The following ADAMTS18 variants were observed in gnomAD, a reference collection of about 807,000 sequenced individuals.
ADAMTS18 encodes ADAM metallopeptidase with thrombospondin type 1 motif 18.
Under a neutral mutation model 165.9 loss-of-function variants are expected in ADAMTS18, and 157 were observed. That is an observed-to-expected ratio of 0.95 (90% CI 0.83 to 1.08). ADAMTS18 has a LOEUF of 1.08. ADAMTS18 is among the 50% of genes least tolerant of loss of function. The probability of loss-of-function intolerance (pLI) is 0.00; values close to 1 mark genes in which losing one functional copy is unlikely to be tolerated. For missense variants in ADAMTS18, 2,040 were observed against 1,534.0 expected (o/e 1.33, Z -5.51); for synonymous variants, 782 against 578.2 (o/e 1.35, Z -5.06).
intron 11 of ADAMTS18, among the ~76,000 whole-genome samples, chr16:77,338,502 G>C (rs2056346848): frequency 6.6e-6 from 1 of 151,884 alleles, no homozygotes; most frequent in Non-Finnish European, 1.5e-5. Flanking sequence ...CCCCCAAAGT[G>C]CTGAGATTAC....
chr16:77,322,605 G>T, intron 13 of ADAMTS18, 139 bp from the exon 14 acceptor site: 1 of 1,068,454 alleles, frequency 9.4e-7, no homozygotes, highest in Non-Finnish European at 1.4e-6. Context: ...GCACATATAA[G>T]CCCATATGAT....
At position 77,353,738 on chromosome 16, in the gene ADAMTS18, C is replaced by T; in HGVS notation, c.1609G>A (p.Val537Met). ...GAAATCACAAGCAAACATACCTTCA[C>T]AAAACCAAGGCTGCATAACTTGGCT... ...AKAKLCSLGF[V>M]KDICKSLWCH... The change falls in exon 10 of 23, where the codon GTG (valine) becomes ATG (methionine). Residue 537 changes from valine to methionine, a missense_variant. Val to Met is a conservative substitution (Grantham distance 21). Coordinates refer to ENST00000282849, the MANE Select transcript of ADAMTS18 (RefSeq NM_199355.4). 6.2e-7 allele frequency: 1 copy of T among 1,614,182 alleles called. No homozygotes were observed. Among genetic ancestry groups the T allele is most frequent in the Non-Finnish European group, 8.5e-7 (1 of 1,180,030 alleles).
At chr16:77,288,264 T>C (rs1051283696) in intron 22 of ADAMTS18, among the ~76,000 whole-genome samples, 3 of 152,104 alleles carry the variant, frequency 2.0e-5, no homozygotes, top group Non-Finnish European at 4.4e-5. Context: ...AGGCTGAATC[T>C]TTCTTTGGTA....
chr16:77,367,319 C>G, intron 4 of ADAMTS18, 122 bp downstream of exon 4: 1 of 1,087,920 alleles, frequency 9.2e-7, no homozygotes, highest in Non-Finnish European at 1.4e-6. Context: ...ACTGGTCCTA[C>G]ACCAAGACAG....
chr16:77,421,069 G>C (rs560723897), intron 3 of ADAMTS18, among the ~76,000 whole-genome samples: 40 of 152,282 alleles, frequency 2.6e-4, no homozygotes, highest in African/African-American at 4.1e-4. Flanking sequence ...TAGTAAATTA[G>C]TGATGTGCAC....
At chr16:77,421,863 T>C (rs1388816518) in intron 3 of ADAMTS18, among the ~76,000 whole-genome samples, 1 of 152,146 alleles carries the variant, frequency 6.6e-6, no homozygotes, top group Non-Finnish European at 1.5e-5. Flanking sequence ...GAAATAAACA[T>C]TAATCAGAAG....
At chr16:77,396,013 G>T (rs2057252247) in intron 3 of ADAMTS18, among the ~76,000 whole-genome samples, 1 of 152,176 alleles carries the variant, frequency 6.6e-6, no homozygotes, top group African/African-American at 2.4e-5. Context: ...GCACCCTAGG[G>T]TAGGGACAAG....
At chr16:77,418,489 C>A (rs1312368290) in intron 3 of ADAMTS18, among the ~76,000 whole-genome samples, 1 of 152,076 alleles carries the variant, frequency 6.6e-6, no homozygotes, top group African/African-American at 2.4e-5. Flanking sequence ...TGCTAAACCT[C>A]CTACAATGCA....
chr16:77,364,340 C>G lies in ADAMTS18; in HGVS notation c.820G>C (p.Asp274His), dbSNP rs866934157. Residue 274 changes from aspartate (D) to histidine (H), a missense_variant, in exon 5 of 23, where the codon GAT (aspartate) becomes CAT (histidine). By Grantham distance (81) the Asp-to-His change is moderately conservative. Transcript: ENST00000282849. ...PPTEDTYLRF[D>H]EYGSSGRPRR... ...GGTCGCCCAGAGCTCCCATATTCAT[C>G]AAACCTTAGATAGGTGTCCTCTGTG... 6.2e-7 allele frequency: 1 copy of G among 1,613,854 alleles called. No homozygotes were observed. Among genetic ancestry groups the G allele is most frequent in the Non-Finnish European group, 8.5e-7 (1 of 1,179,996 alleles).
chr16:77,387,831 A>G (rs960391459), intron 3 of ADAMTS18, among the ~76,000 whole-genome samples: 1 of 152,130 alleles, frequency 6.6e-6, no homozygotes, highest in Non-Finnish European at 1.5e-5. Flanking sequence ...TTTTCTATCC[A>G]GGAGTTTATT....
intron 3 of ADAMTS18, among the ~76,000 whole-genome samples, chr16:77,392,547 G>A (rs1224356786): frequency 6.6e-6 from 1 of 151,970 alleles, no homozygotes; most frequent in African/African-American, 2.4e-5. Context: ...CCTGCCCCCT[G>A]CTTCACTTTC....
chr16:77,413,255 T>G (rs1028572665), intron 3 of ADAMTS18, among the ~76,000 whole-genome samples: 12 of 152,080 alleles, frequency 7.9e-5, no homozygotes, highest in Non-Finnish European at 8.8e-5. Flanking sequence ...CCTCCCCTAC[T>G]TTTTGGGCCT....
intron 10 of ADAMTS18, among the ~76,000 whole-genome samples, chr16:77,344,155 G>GTGTGTATATATA (rs369058375): frequency 1.4e-5 from 2 of 140,260 alleles, no homozygotes; most frequent in African/African-American, 5.3e-5. Flanking sequence ...ATGTGTGTGT[G>GTGTGTATATATA]TATATATATA....
Position 77,284,127 on chromosome 16 carries a change from T to G in ADAMTS18, c.3551-56A>C, listed in dbSNP as rs866232787. On this transcript the variant is annotated intron_variant, in intron 22 of 22. Transcript: ENST00000282849. The stretch of plus-strand genomic sequence containing the variant: ...GCTAGGGTGTCTATCCTTTTTCTTT[T>G]TTTTTTTTTTTGAGATGGAGTCTCA... 3,587 of 1,190,566 alleles carry G rather than the reference T, an allele frequency of 3.0e-3. 74 individuals are homozygous for G. The African/African-American group carries it at 0.051, about 17-fold the overall frequency. The allele number at this position is 1,190,566 out of a possible 1,614,324, so 73.8% of individuals were successfully genotyped here. A position where few individuals can be genotyped will look rare whatever the true frequency, so the allele number is the denominator to read the frequency against.
intron 10 of ADAMTS18, among the ~76,000 whole-genome samples, chr16:77,346,200 T>A (rs2056473345): frequency 6.6e-6 from 1 of 152,224 alleles, no homozygotes; most frequent in South Asian, 2.1e-4. Flanking sequence ...ATTTTCCTTA[T>A]CTTATTCCAA....
chr16:77,394,868 A>C (rs66465039), intron 3 of ADAMTS18, among the ~76,000 whole-genome samples: 1 of 152,166 alleles, frequency 6.6e-6, no homozygotes, highest in Non-Finnish European at 1.5e-5. Context: ...GGGTGAGCCA[A>C]CTGGGCCATC....
rs900099123 is a variant in ADAMTS18, at chr16:77,292,921, G to A, written c.3189+155C>T. The A allele has an allele frequency of 7.9e-5, 63 of 801,598 alleles. No homozygotes were observed. The African/African-American group carries it at 8.2e-4, about 10-fold the overall frequency. 49.7% of individuals were successfully genotyped at this position (801,598 alleles called of 1,614,324 possible). A position where few individuals can be genotyped will look rare whatever the true frequency, so the allele number is the denominator to read the frequency against. Reference sequence around the variant, plus strand: ...TGCAAACTCCGCCTCCTGGGTTCACGCCATGCTCCTGCCTCAGCCTCCCCA... The same window carrying A: ...TGCAAACTCCGCCTCCTGGGTTCACACCATGCTCCTGCCTCAGCCTCCCCA... On this transcript the variant is annotated intron_variant, in intron 20 of 22. Transcript: ENST00000282849.
At chr16:77,305,585 G>GT (rs1430166049) in intron 16 of ADAMTS18, among the ~76,000 whole-genome samples, 1 of 152,094 alleles carries the variant, frequency 6.6e-6, no homozygotes, top group African/African-American at 2.4e-5. Flanking sequence ...CTAAATCCAG[G>GT]TTTTCTCACC....
At chr16:77,377,420 C>G (rs1030675776) in intron 3 of ADAMTS18, among the ~76,000 whole-genome samples, 2 of 152,188 alleles carry the variant, frequency 1.3e-5, no homozygotes, top group Non-Finnish European at 2.9e-5. Context: ...TTGTATCCCA[C>G]TATTTCTACC....
Sources: allele counts gnomAD v4.1 joint callset (sites outside exome capture counted in the v4.1 genomes callset), GRCh38; gene constraint gnomAD v4.1.1; transcripts MANE v1.5; gene names NCBI Gene and HGNC (gene_info 2026-07-23, HGNC 2026-07-21).